Variants in NLK observed in about 807,000 individuals in gnomAD.
NLK encodes serine/threonine-protein kinase NLK.
Under a neutral mutation model 59.0 loss-of-function variants are expected in NLK, and 11 were observed. The observed-to-expected ratio is 0.19, with a 90% CI of 0.12 to 0.31. The LOEUF (loss-of-function observed/expected upper bound fraction) is 0.31. Among genes scored for constraint, NLK ranks in the 10% least tolerant of loss-of-function variants. The pLI is 1.00. For missense variants in NLK, 410 were observed against 661.1 expected (o/e 0.62, Z 4.16); for synonymous variants, 235 against 235.9 (o/e 1.00, Z 0.03).
intron 2 of NLK, among the ~76,000 whole-genome samples, chr17:28,129,785 C>A (rs888540302): frequency 3.9e-5 from 6 of 151,982 alleles, no homozygotes; most frequent in African/African-American, 1.4e-4. Flanking sequence ...AGATAAATTT[C>A]TTGTCTTTAT....
At chr17:28,154,289 AC>A (rs1357608684) in intron 3 of NLK, among the ~76,000 whole-genome samples, 2 of 152,204 alleles carry the variant, frequency 1.3e-5, no homozygotes, top group Non-Finnish European at 2.9e-5. Flanking sequence ...AAGAAGTAGT[AC>A]GATGCTCAGA....
chr17:28,167,381 T>A (rs1418024469), intron 5 of NLK, among the ~76,000 whole-genome samples: 2 of 150,288 alleles, frequency 1.3e-5, no homozygotes, highest in African/African-American at 2.4e-5. Context: ...GGACTACAGG[T>A]GCACACCACC....
rs112080899 is a variant in NLK, at chr17:28,187,644, AG to A, written c.1236+2380del. Among the ~76,000 whole-genome samples the A allele has an allele frequency of 2.7e-3, 414 of 152,314 alleles. 4 individuals carry two copies. The highest frequency in any genetic ancestry group is 9.2e-3 in the African/African-American group (384 of 41,576). ...AATGCTCCCGATCTGCCAGGAAGGT[AG>A]TGTTTACAGTCTTTAAGGCTGGAAC... On this transcript the variant is annotated intron_variant, in intron 8 of 10. Transcript: ENST00000407008.
intron 3 of NLK, among the ~76,000 whole-genome samples, chr17:28,140,307 G>A (rs1157662427): frequency 1.3e-5 from 2 of 152,148 alleles, no homozygotes; most frequent in Non-Finnish European, 2.9e-5. Context: ...ATCTTAACAA[G>A]GAGTTTGTAT....
downstream of NLK, among the ~76,000 whole-genome samples, chr17:28,198,523 C>T (rs1304723792): frequency 6.6e-6 from 1 of 152,126 alleles, no homozygotes; most frequent in Admixed American, 6.6e-5. Flanking sequence ...TAGGGTTCCA[C>T]CATGTTGGCC....
intron 1 of NLK, among the ~76,000 whole-genome samples, chr17:28,060,725 T>A (rs754260320): frequency 6.6e-6 from 1 of 152,204 alleles, no homozygotes; most frequent in Non-Finnish European, 1.5e-5. Context: ...TAGATAACAC[T>A]TTTAAACTGC....
intron 2 of NLK, among the ~76,000 whole-genome samples, chr17:28,125,423 C>T (rs950410162): frequency 2.6e-5 from 4 of 152,074 alleles, no homozygotes; most frequent in Non-Finnish European, 5.9e-5. Flanking sequence ...TCGAAGCAGG[C>T]ATGGTAAAAG....
At chr17:28,171,890 T>C (rs1908475386) in intron 6 of NLK, among the ~76,000 whole-genome samples, 1 of 152,148 alleles carries the variant, frequency 6.6e-6, no homozygotes, top group Admixed American at 6.6e-5. Flanking sequence ...TATCAAAACA[T>C]ATTTTCTATA....
At chr17:28,091,822 A>G (rs550869307) in intron 1 of NLK, among the ~76,000 whole-genome samples, 12 of 152,356 alleles carry the variant, frequency 7.9e-5, no homozygotes, top group African/African-American at 2.4e-4. Flanking sequence ...ACTGAAACAG[A>G]TAATACTGGG....
rs1165179727 is a variant in NLK, at chr17:28,161,025, C to G, written c.645-135C>G. 9.1e-6 allele frequency: 5 copies of G among 546,918 alleles called. No homozygotes were observed. In the South Asian group the frequency reaches 1.2e-4, roughly 13 times the overall value. 33.9% of individuals were successfully genotyped at this position (546,918 alleles called of 1,614,324 possible). Reference sequence around the variant, plus strand: ...TTTGTGAGGGCTGGAATTCTCACCTCTGTCACGCTGTCTAGAAGCTTTCTT... The same window carrying G: ...TTTGTGAGGGCTGGAATTCTCACCTGTGTCACGCTGTCTAGAAGCTTTCTT... On this transcript the variant is annotated intron_variant, in intron 3 of 10. Transcript: ENST00000407008.
intron 5 of NLK, among the ~76,000 whole-genome samples, chr17:28,165,449 CAA>C (rs1225571027): frequency 3.9e-5 from 6 of 152,156 alleles, no homozygotes; most frequent in Non-Finnish European, 8.8e-5. Context: ...TCAGAACAAA[CAA>C]ATTTTGCTCC....
At chr17:28,095,093 C>T (rs1042842628) in intron 1 of NLK, among the ~76,000 whole-genome samples, 1 of 152,116 alleles carries the variant, frequency 6.6e-6, no homozygotes, top group Non-Finnish European at 1.5e-5. Flanking sequence ...TGGGAAGATA[C>T]AAATAATTGC....
intron 1 of NLK, among the ~76,000 whole-genome samples, chr17:28,107,148 A>G (rs1905205059): frequency 6.6e-6 from 1 of 152,156 alleles, no homozygotes; most frequent in African/African-American, 2.4e-5. Context: ...AGGAATAGCT[A>G]CTAAGCCGGG....
At chr17:28,070,193 A>G (rs1477935100) in intron 1 of NLK, among the ~76,000 whole-genome samples, 1 of 151,632 alleles carries the variant, frequency 6.6e-6, no homozygotes, top group African/African-American at 2.4e-5. Flanking sequence ...CCAAGATCGC[A>G]CCACCGCGCT....
chr17:28,170,852 T>C (rs1351648844), intron 6 of NLK, among the ~76,000 whole-genome samples: 3 of 152,194 alleles, frequency 2.0e-5, no homozygotes, highest in African/African-American at 7.2e-5. Flanking sequence ...AGATCTTCAG[T>C]TTGGCAGTCT....
intron 1 of NLK, among the ~76,000 whole-genome samples, chr17:28,103,637 T>A (rs140454357): frequency 5.6e-4 from 86 of 152,346 alleles, no homozygotes; most frequent in Non-Finnish European, 8.4e-4. Flanking sequence ...AGTGATCAAC[T>A]TTTGAAGCCA....
At chr17:28,057,448 A>G (rs1217411374) in intron 1 of NLK, among the ~76,000 whole-genome samples, 1 of 152,250 alleles carries the variant, frequency 6.6e-6, no homozygotes, top group Non-Finnish European at 1.5e-5. Context: ...AATGCTATTC[A>G]TTCTCTTAAT....
At position 28,167,701 on chromosome 17, in the gene NLK, A is replaced by AG. The variant is rs1555565333; in HGVS notation, c.838-747_838-746insG. On this transcript the variant is annotated intron_variant, in intron 5 of 10. Coordinates refer to ENST00000407008, the MANE Select transcript of NLK (RefSeq NM_016231.5). ...CTCATCCCTACAAAAAAAAAAAAAA[A>AG]CCCACAAAAATTAGCCAGGTGTGGT... Among the ~76,000 whole-genome samples, 4 of 150,592 alleles carry AG rather than the reference A, an allele frequency of 2.7e-5. No individual in the cohort carries two copies. In the South Asian group the frequency reaches 6.3e-4, roughly 24 times the overall value.
intron 4 of NLK, among the ~76,000 whole-genome samples, chr17:28,162,796 G>A (rs1255048441): frequency 6.6e-6 from 1 of 152,016 alleles, no homozygotes; most frequent in Non-Finnish European, 1.5e-5. Context: ...GTACATGCCC[G>A]TAGTTCCCAC....
Sources: allele counts gnomAD v4.1 joint callset (sites outside exome capture counted in the v4.1 genomes callset), GRCh38; gene constraint gnomAD v4.1.1; transcripts MANE v1.5; gene names NCBI Gene and HGNC (gene_info 2026-07-23, HGNC 2026-07-21).